Variants in RFX4 observed in about 807,000 individuals in gnomAD.
RFX4 encodes transcription factor RFX4.
In RFX4, 10 loss-of-function variants were observed where a neutral mutation model predicts 95.0. That is an observed-to-expected ratio of 0.11 (90% confidence interval 0.06 to 0.18). The LOEUF is 0.18. Ranked by LOEUF, RFX4 falls within the 10% of genes least tolerant of loss-of-function variation. RFX4 has a pLI of 1.00. For synonymous variants in RFX4, 321 were observed against 340.7 expected (o/e 0.94, Z 0.64); for missense variants, 640 against 922.0 (o/e 0.69, Z 3.96).
chr12:106,692,012 C>G (rs1448027260), intron 7 of RFX4, among the ~76,000 whole-genome samples: 1 of 152,126 alleles, frequency 6.6e-6, no homozygotes, highest in Non-Finnish European at 1.5e-5. Flanking sequence ...CAAAAATTAG[C>G]TGGACGTGGT....
intron 8 of RFX4, among the ~76,000 whole-genome samples, chr12:106,704,900 G>A (rs1279460512): frequency 1.3e-5 from 2 of 152,114 alleles, no homozygotes; most frequent in Non-Finnish European, 2.9e-5. Flanking sequence ...AAAAGACTGA[G>A]GACCAAGCCT....
At chr12:106,596,921 C>T (rs2039628137) in intron 1 of RFX4, among the ~76,000 whole-genome samples, 1 of 152,212 alleles carries the variant, frequency 6.6e-6, no homozygotes, top group African/African-American at 2.4e-5. Context: ...TGCTGCATCT[C>T]TTTCCTTACT....
intron 1 of RFX4, among the ~76,000 whole-genome samples, chr12:106,605,815 A>T: frequency 6.6e-6 from 1 of 152,164 alleles, no homozygotes; most frequent in Non-Finnish European, 1.5e-5. Flanking sequence ...CTTATTCTGG[A>T]TTGCCCCAGG....
intron 5 of RFX4, chr12:106,683,200 C>A (rs930821633): frequency 1.3e-5 from 2 of 152,156 alleles, no homozygotes; most frequent in African/African-American, 4.8e-5. Flanking sequence ...CTGGGCCAAA[C>A]CCCTGTCCCT....
chr12:106,639,492 A>G, intron 3 of RFX4, 100 bp downstream of exon 3: 1 of 1,079,728 alleles, frequency 9.3e-7, no homozygotes, highest in East Asian at 2.4e-5. Flanking sequence ...TTGTCCTGAT[A>G]ACTTGACATT....
chr12:106,731,625 A>C (rs1028119869), intron 13 of RFX4, among the ~76,000 whole-genome samples: 3 of 152,228 alleles, frequency 2.0e-5, no homozygotes, highest in African/African-American at 7.2e-5. Context: ...TTGCAGATTT[A>C]AATTTTCAAA....
At chr12:106,589,503 C>A (rs1276469578) in intron 1 of RFX4, among the ~76,000 whole-genome samples, 3 of 152,114 alleles carry the variant, frequency 2.0e-5, no homozygotes, top group Admixed American at 1.3e-4. Context: ...ACACATTAGC[C>A]ATTGAAGCCT....
chr12:106,651,779 A>G (rs897467690), intron 3 of RFX4, among the ~76,000 whole-genome samples: 5 of 152,116 alleles, frequency 3.3e-5, no homozygotes, highest in African/African-American at 1.2e-4. Context: ...GTCGTGCGGG[A>G]ATATGGGTCC....
At chr12:106,672,763 TA>T (rs58826004) in intron 4 of RFX4, among the ~76,000 whole-genome samples, 8,053 of 130,790 alleles carry the variant, frequency 0.062, 512 homozygotes, top group African/African-American at 0.18. Context: ...AAGAAACACT[TA>T]AAAAAAAAAA....
intron 4 of RFX4, among the ~76,000 whole-genome samples, chr12:106,658,365 C>T (rs1174954823): frequency 6.6e-6 from 1 of 152,188 alleles, no homozygotes; most frequent in Non-Finnish European, 1.5e-5. Flanking sequence ...TCTTCCTGCT[C>T]TGATGATGAT....
intron 17 of RFX4, among the ~76,000 whole-genome samples, chr12:106,753,708 G>A (rs2043055871): frequency 6.6e-6 from 1 of 152,192 alleles, no homozygotes; most frequent in Non-Finnish European, 1.5e-5. Context: ...TGTGACTCCT[G>A]TCCAAGCTCT....
intron 4 of RFX4, among the ~76,000 whole-genome samples, chr12:106,674,210 T>C (rs550142459): frequency 6.6e-6 from 1 of 152,302 alleles, no homozygotes; most frequent in Admixed American, 6.5e-5. Flanking sequence ...TTCTTGCAGT[T>C]TCCTTCCCCC....
At chr12:106,696,528 T>A in intron 8 of RFX4, 82 bp downstream of exon 8, 2 of 1,516,678 alleles carry the variant, frequency 1.3e-6, no homozygotes, top group Non-Finnish European at 1.8e-6. Flanking sequence ...ATTATAATCA[T>A]GCACTGTCCA....
At chr12:106,684,926 G>A in intron 5 of RFX4, 2 of 1,613,536 alleles carry the variant, frequency 1.2e-6, no homozygotes, top group Non-Finnish European at 1.7e-6. Flanking sequence ...GAGTAAAGGA[G>A]GGTTGGGGAG....
At chr12:106,583,593 T>TGCGC (rs1242690921) in intron 1 of RFX4, 3 of 392,904 alleles carry the variant, frequency 7.6e-6, no homozygotes, top group African/African-American at 4.1e-5. Context: ...TGTGTGTGCG[T>TGCGC]GCGCGCGCGC....
In RFX4 at chr12:106,720,960, G is replaced by T; in HGVS notation, c.1351+84G>T. ...AGAGGAATCTACCACAGTCTAACTTGCTGTTTCTGCAAGGTCATCACCCTG... is the reference window on the plus strand; with the variant it reads ...AGAGGAATCTACCACAGTCTAACTTTCTGTTTCTGCAAGGTCATCACCCTG... On this transcript the variant is annotated intron_variant, in intron 13 of 17. Coordinates refer to ENST00000392842, the MANE Select transcript of RFX4 (RefSeq NM_213594.3). This position sits in a 1 kb window ranked among gnomAD's most constrained non-coding sequence, Gnocchi z 4.2. 1 of 1,176,710 alleles carries T rather than the reference G, an allele frequency of 8.5e-7. No homozygotes were observed. Among genetic ancestry groups the T allele is most frequent in the Non-Finnish European group, 1.3e-6 (1 of 791,692 alleles). The allele number at this position is 1,176,710 out of a possible 1,614,324, so 72.9% of individuals were successfully genotyped here. A position where few individuals can be genotyped will look rare whatever the true frequency, so the allele number is the denominator to read the frequency against.
chr12:106,645,319 C>G (rs1211583841), intron 3 of RFX4, among the ~76,000 whole-genome samples: 1 of 151,952 alleles, frequency 6.6e-6, no homozygotes, highest in Non-Finnish European at 1.5e-5. Flanking sequence ...TCCGCAGTCC[C>G]GGCCTACTTG....
intron 14 of RFX4, among the ~76,000 whole-genome samples, chr12:106,732,695 A>G (rs1239195562): frequency 6.6e-6 from 1 of 152,046 alleles, no homozygotes; most frequent in African/African-American, 2.4e-5. Context: ...GCAAGACTCC[A>G]TCTCAAAATA....
intron 2 of RFX4, among the ~76,000 whole-genome samples, chr12:106,628,834 A>C (rs1046525617): frequency 6.9e-6 from 1 of 145,340 alleles, no homozygotes; most frequent in Non-Finnish European, 1.5e-5. Context: ...ATCTCGGCTC[A>C]CTGCAGCCTC....
Sources: gnomAD v4.1 joint callset for allele counts (sites outside exome capture counted in the v4.1 genomes callset) on GRCh38, gnomAD v4.1.1 for gene constraint, Gnocchi (gnomAD v3.1) non-coding constraint, MANE v1.5 for transcripts, NCBI Gene and HGNC (gene_info 2026-07-23, HGNC 2026-07-21) for gene names.